Variants in CHSY1 observed in about 807,000 individuals in gnomAD.
CHSY1 encodes chondroitin sulfate synthase 1.
CHSY1 carries 13 observed loss-of-function variants against 59.8 expected under a neutral mutation model. The observed-to-expected ratio is 0.22, with a 90% CI of 0.14 to 0.35. CHSY1 has a LOEUF of 0.35. Ranked by LOEUF, CHSY1 falls within the 10% of genes least tolerant of loss-of-function variation. The pLI is 1.00. For synonymous variants in CHSY1, 459 were observed against 401.2 expected, an observed-to-expected ratio of 1.14 and a Z score of -1.72; for missense variants, 947 against 1,030.6, an observed-to-expected ratio of 0.92 and a Z score of 1.11.
Position 101,251,169 on chromosome 15 carries a change from T to G in CHSY1, c.288A>C (p.Lys96Asn). Residue 96 changes from lysine (K) to asparagine (N), a missense_variant, in exon 1 of 3, where the codon AAA becomes AAC. Coordinates refer to ENST00000254190, the MANE Select transcript of CHSY1 (RefSeq NM_014918.5). ...CGGCCACGGCCCGAGTCTGCAGGTA[T>G]TTCTGGGCGGTCATGACTCCCACGA... Reference protein sequence around the residue: ...FLFVGVMTAQKYLQTRAVAAY... With the variant: ...FLFVGVMTAQNYLQTRAVAAY... 6.3e-7 allele frequency: 1 copy of G among 1,597,852 alleles called. No individual in the cohort carries two copies. The highest frequency in any genetic ancestry group is 8.5e-7 in the Non-Finnish European group (1 of 1,175,488).
intron 2 of CHSY1, among the ~76,000 whole-genome samples, chr15:101,184,451 G>C (rs370166221): frequency 1.3e-5 from 2 of 151,316 alleles, no homozygotes; most frequent in African/African-American, 4.9e-5. Flanking sequence ...TGTGATCTCA[G>C]CTCACTGCAA....
At chr15:101,227,364 C>T (rs570984315) in intron 2 of CHSY1, among the ~76,000 whole-genome samples, 1 of 152,224 alleles carries the variant, frequency 6.6e-6, no homozygotes, top group African/African-American at 2.4e-5. Context: ...TTTCCTATTG[C>T]AAACACCTTC....
chr15:101,221,322 T>G (rs943273654), intron 2 of CHSY1, among the ~76,000 whole-genome samples: 4 of 152,128 alleles, frequency 2.6e-5, no homozygotes, highest in African/African-American at 9.7e-5. Context: ...GGCAAAATCC[T>G]CTCTACTAAC....
At chr15:101,198,039 C>T (rs957336391) in intron 2 of CHSY1, among the ~76,000 whole-genome samples, 3 of 152,118 alleles carry the variant, frequency 2.0e-5, no homozygotes, top group African/African-American at 4.8e-5. Context: ...TGTCCCCCTT[C>T]CCCTGTGGTG....
intron 2 of CHSY1, among the ~76,000 whole-genome samples, chr15:101,223,082 C>T (rs1482013891): frequency 2.0e-5 from 3 of 152,234 alleles, no homozygotes. Flanking sequence ...CAACCTCTGC[C>T]CCCCAGGTTC....
chr15:101,222,787 T>TG (rs144775914), intron 2 of CHSY1, among the ~76,000 whole-genome samples: 2,807 of 151,762 alleles, frequency 0.018, 64 homozygotes, highest in East Asian at 0.055. Flanking sequence ...GCCATCATGG[T>TG]GGGGGGGGTA....
intron 1 of CHSY1, among the ~76,000 whole-genome samples, chr15:101,248,840 G>A (rs1213494237): frequency 6.6e-6 from 1 of 152,062 alleles, no homozygotes; most frequent in Non-Finnish European, 1.5e-5. Flanking sequence ...AGGATGGAGC[G>A]CAGTGACGCA....
At chr15:101,183,729 G>T (rs1458158180) in intron 2 of CHSY1, among the ~76,000 whole-genome samples, 1 of 152,214 alleles carries the variant, frequency 6.6e-6, no homozygotes, top group Non-Finnish European at 1.5e-5. Flanking sequence ...ACGGGGGAGG[G>T]TGTGGGTGCC....
At chr15:101,247,620 G>T (rs770970106) in intron 1 of CHSY1, among the ~76,000 whole-genome samples, 1 of 152,180 alleles carries the variant, frequency 6.6e-6, no homozygotes, top group Non-Finnish European at 1.5e-5. Flanking sequence ...CACAGCTACT[G>T]TGTCACTCAG....
At chr15:101,218,380 T>C (rs1487451500) in intron 2 of CHSY1, among the ~76,000 whole-genome samples, 2 of 152,140 alleles carry the variant, frequency 1.3e-5, no homozygotes, top group Non-Finnish European at 2.9e-5. Context: ...GTGGATCTCC[T>C]GAGGTCAGGA....
chr15:101,192,378 T>C (rs1487658827), intron 2 of CHSY1, among the ~76,000 whole-genome samples: 1 of 151,942 alleles, frequency 6.6e-6, no homozygotes. Context: ...GAACACACAC[T>C]CTGCACAGGG....
rs1241740905 is a variant in CHSY1, at chr15:101,178,993, A to G, written c.817-13T>C. On this transcript the variant is annotated splice_polypyrimidine_tract_variant and intron_variant, in intron 2 of 2. Coordinates refer to ENST00000254190, the MANE Select transcript of CHSY1 (RefSeq NM_014918.5). ...AAAGCTGCTGCATCTGTTACAGGAA[A>G]AAAAAGAGATCACAAATTTAGTATT... 1 of 1,613,446 alleles carries G rather than the reference A, an allele frequency of 6.2e-7. No homozygotes were observed. Among genetic ancestry groups the G allele is most frequent in the Admixed American group, 1.7e-5 (1 of 60,024 alleles).
intron 1 of CHSY1, among the ~76,000 whole-genome samples, chr15:101,239,405 T>G (rs1317767467): frequency 6.6e-6 from 1 of 152,224 alleles, no homozygotes; most frequent in Admixed American, 6.5e-5. Flanking sequence ...AGGAGGCGAA[T>G]CTACAGCATC....
chr15:101,224,672 C>A (rs1221732682), intron 2 of CHSY1, among the ~76,000 whole-genome samples: 2 of 152,186 alleles, frequency 1.3e-5, no homozygotes, highest in African/African-American at 4.8e-5. Context: ...GAAACTCCCA[C>A]CTGGTCTAAG....
intron 1 of CHSY1, among the ~76,000 whole-genome samples, chr15:101,238,906 C>T (rs1419291570): frequency 6.6e-6 from 1 of 152,158 alleles, no homozygotes; most frequent in Non-Finnish European, 1.5e-5. Context: ...ACCAATCCCA[C>T]CTACAAAGGG....
intron 2 of CHSY1, among the ~76,000 whole-genome samples, chr15:101,198,553 T>C (rs957858436): frequency 6.6e-6 from 1 of 152,178 alleles, no homozygotes; most frequent in African/African-American, 2.4e-5. Context: ...CCGAGTGGCA[T>C]TTTACAGATT....
At chr15:101,200,599 C>G (rs975709410) in intron 2 of CHSY1, among the ~76,000 whole-genome samples, 2 of 152,202 alleles carry the variant, frequency 1.3e-5, no homozygotes, top group Non-Finnish European at 2.9e-5. Flanking sequence ...CCTGCACCCC[C>G]AGATGGGTCA....
intron 2 of CHSY1, among the ~76,000 whole-genome samples, chr15:101,204,691 G>T (rs538313713): frequency 1.3e-5 from 2 of 151,696 alleles, no homozygotes; most frequent in East Asian, 3.9e-4. Context: ...ATCACTTGAG[G>T]ACAGGGGTTC....
chr15:101,231,688 C>T (rs533095122), intron 2 of CHSY1, among the ~76,000 whole-genome samples: 2 of 152,298 alleles, frequency 1.3e-5, no homozygotes, highest in South Asian at 2.1e-4. Flanking sequence ...TTGACCCTTG[C>T]GACCTATGCA....
Sources: allele counts gnomAD v4.1 joint callset (sites outside exome capture counted in the v4.1 genomes callset), GRCh38; gene constraint gnomAD v4.1.1; transcripts MANE v1.5; gene names NCBI Gene and HGNC (gene_info 2026-07-23, HGNC 2026-07-21).